CKAP4: variants seen among roughly 807,000 people sequenced by gnomAD.
The protein encoded by CKAP4 is cytoskeleton associated protein 4, also known as cytoskeleton-associated protein 4.
In CKAP4, 20 loss-of-function variants were observed where a neutral mutation model predicts 24.4. That is an observed-to-expected ratio of 0.82 (90% CI 0.58 to 1.19). The LOEUF (loss-of-function observed/expected upper bound fraction) is 1.19, where lower values mean the gene tolerates loss of function less well. Ranked by LOEUF, CKAP4 falls within the 50% of genes most tolerant of loss-of-function variation. The pLI, the probability that CKAP4 is intolerant of heterozygous loss-of-function variation, is 0.00. For synonymous variants in CKAP4, 378 were observed against 351.7 expected, an observed-to-expected ratio of 1.07 and a Z score of -0.84; for missense variants, 744 against 765.3, an observed-to-expected ratio of 0.97 and a Z score of 0.33.
rs2034032620 is a variant in CKAP4, at chr12:106,247,896, A to AGCGCGGC, written c.-52_-46dup. The AGCGCGGC allele has an allele frequency of 9.9e-7, 1 of 1,006,358 alleles. No homozygotes were observed. 62.3% of individuals were successfully genotyped at this position (1,006,358 alleles called of 1,614,324 possible). On this transcript the variant is annotated 5_prime_UTR_variant, in exon 1 of 2. Transcript: ENST00000378026. The surrounding 1 kb of genome is among the most constrained non-coding windows in gnomAD (Gnocchi z 4.5). ...CGGGCCGCGGGCTGGGAGGCGAGCGAGCGCGGCGCGCGGCCCGGGAAACTT... is the reference window on the plus strand; with the variant it reads ...CGGGCCGCGGGCTGGGAGGCGAGCGAGCGCGGCGCGCGGCGCGCGGCCCGGGAAACTT...
chr12:106,241,935 G>C (rs1335100770), intron 1 of CKAP4, among the ~76,000 whole-genome samples: 1 of 151,270 alleles, frequency 6.6e-6, no homozygotes, highest in Non-Finnish European at 1.5e-5. Context: ...AGTGCCGATG[G>C]AATGAAAAAA....
intron 1 of CKAP4, among the ~76,000 whole-genome samples, chr12:106,241,269 C>T (rs1380625235): frequency 1.3e-5 from 2 of 150,996 alleles, no homozygotes; most frequent in Non-Finnish European, 2.9e-5. Context: ...GAAAGGAACG[C>T]TTATCAGTTG....
rs750145170 is a variant in CKAP4 at position 106,247,620 on chromosome 12, T to TGCCGCC, written c.226_231dup (p.Gly76_Gly77dup). On this transcript the variant is annotated inframe_insertion, in exon 1 of 2. Coordinates refer to ENST00000378026, the MANE Select transcript of CKAP4 (RefSeq NM_006825.4). This position sits in a 1 kb window ranked among gnomAD's most constrained non-coding sequence, Gnocchi z 4.5. The stretch of plus-strand genomic sequence containing the variant: ...GAGGCGGAGGAGGAGGAGGAGGACT[T>TGCCGCC]GCCGCCGCCGCCGCCGCCGCCGCGG... The TGCCGCC allele has an allele frequency of 2.0e-4, 192 of 981,826 alleles. No individual in the cohort carries two copies. The highest frequency in any genetic ancestry group is 1.0e-3 in the African/African-American group (57 of 54,924). The allele number at this position is 981,826 out of a possible 1,614,324, so 60.8% of individuals were successfully genotyped here.
In CKAP4 at chr12:106,239,044, T is replaced by C. The variant is rs2033939561; in HGVS notation, c.1789A>G (p.Lys597Glu). 6.2e-7 allele frequency: 1 copy of C among 1,613,454 alleles called. No individual in the cohort carries two copies. Among genetic ancestry groups the C allele is most frequent in the Non-Finnish European group, 8.5e-7 (1 of 1,179,580 alleles). Residue 597 changes from lysine to glutamate, a missense_variant, in exon 2 of 2, where the codon AAG becomes GAG. This residue lies in a region of CKAP4 where 401 missense variants were observed against 424.5 expected (regional missense o/e 0.94). Transcript: ENST00000378026. The surrounding 1 kb of genome is among the most constrained non-coding windows in gnomAD (Gnocchi z 4.9). The part of the protein sequence containing the change: ...DLDRLFVKVE[K>E]IHEKV ...TTCATTTAGACCTTTTCGTGAATCTTCTCCACTTTCACAAACAACCTATCC... is the reference window on the plus strand; with the variant it reads ...TTCATTTAGACCTTTTCGTGAATCTCCTCCACTTTCACAAACAACCTATCC...
chr12:106,247,450 G>A lies in CKAP4; in HGVS notation c.402C>T (p.Val134=). 6.5e-7 allele frequency: 1 copy of A among 1,545,116 alleles called. No homozygotes were observed. The highest frequency in any genetic ancestry group is 8.7e-7 in the Non-Finnish European group (1 of 1,147,308). ...GWCVHHVLEE[V]QQVRRSHQDF... is the part of the protein sequence containing the mutation. ...CCTGGTGGCTGCGCCGGACCTGCTG[G>A]ACCTCCTCCAGGACGTGGTGGACGC... is the stretch of plus-strand genomic sequence containing the variant. The change falls in exon 1 of 2, where the codon GTC becomes GTT. Residue 134 remains valine (V), a synonymous_variant. Transcript: ENST00000378026. This position sits in a 1 kb window ranked among gnomAD's most constrained non-coding sequence, Gnocchi z 4.5.
Position 106,240,087 on chromosome 12 carries a change from T to G in CKAP4, c.746A>C (p.Asn249Thr). 1 of 1,614,168 alleles carries G rather than the reference T, an allele frequency of 6.2e-7. No homozygotes were observed. Among genetic ancestry groups the G allele is most frequent in the South Asian group, 1.1e-5 (1 of 91,084 alleles). ...TTCTGTGAAGATGGCGATGTTGTCG[T>G]TGATGGATTTGGTGAGCTCCGTCAG... ...ERLTELTKSINDNIAIFTEVQ... is the reference protein window; with the variant it reads ...ERLTELTKSITDNIAIFTEVQ... The change falls in exon 2 of 2, where the codon AAC (asparagine) becomes ACC (threonine). Residue 249 changes from asparagine to threonine, a missense_variant. Asn to Thr is a moderately conservative substitution (Grantham distance 65, BLOSUM62 0). Around this residue, in one of 3 missense-constraint regions of CKAP4, gnomAD observed 43 missense variants for 76.4 expected, o/e 0.56. Coordinates refer to ENST00000378026, the MANE Select transcript of CKAP4 (RefSeq NM_006825.4).
Position 106,239,759 on chromosome 12 carries a change from C to T in CKAP4, c.1074G>A (p.Arg358=), listed in dbSNP as rs371832357. The part of the protein sequence containing the change: ...ALQALTEKLL[R]SEESVSRLPE... ...GGAGGCGGGAGACGGACTCCTCAGA[C>T]CTGAGAAGCTTCTCCGTGAGGGCCT... Residue 358 remains arginine (R), a synonymous_variant, in exon 2 of 2, where the codon AGG becomes AGA. Transcript: ENST00000378026. This position sits in a 1 kb window ranked among gnomAD's most constrained non-coding sequence, Gnocchi z 4.9. 21 of 1,613,928 alleles carry T rather than the reference C, an allele frequency of 1.3e-5. 1 individual carries two copies. In the African/African-American group the frequency reaches 1.9e-4, roughly 14 times the overall value.
At chr12:106,241,918 G>A (rs953533113) in intron 1 of CKAP4, among the ~76,000 whole-genome samples, 2 of 152,046 alleles carry the variant, frequency 1.3e-5, no homozygotes, top group Non-Finnish European at 2.9e-5. Flanking sequence ...AAGTGGCAGA[G>A]GGGAAGAGTG....
At position 106,239,001 on chromosome 12, in the gene CKAP4, C is replaced by A; in HGVS notation, c.*23G>T. On this transcript the variant is annotated 3_prime_UTR_variant, in exon 2 of 2. Transcript: ENST00000378026. The surrounding 1 kb of genome is among the most constrained non-coding windows in gnomAD (Gnocchi z 4.9). ...GTCATGAGAAATTGGACTTTAAATC[C>A]GCGCCCTGCACACGCAATTCATTTA... The A allele has an allele frequency of 1.2e-6, 2 of 1,600,806 alleles. No individual in the cohort carries two copies. The highest frequency in any genetic ancestry group is 1.1e-5 in the South Asian group (1 of 90,330).
Position 106,238,785 on chromosome 12 carries a change from A to G in CKAP4, c.*239T>C. ...TGACTAGAGACATCCATGAAAAGCC[A>G]CCTGTTATTCACAGGGGCTGCGCTT... On this transcript the variant is annotated 3_prime_UTR_variant, in exon 2 of 2. Transcript: ENST00000378026. 1 of 502,864 alleles carries G rather than the reference A, an allele frequency of 2.0e-6. No homozygotes were observed. Among genetic ancestry groups the G allele is most frequent in the East Asian group, 3.3e-5 (1 of 30,142 alleles). The allele number at this position is 502,864 out of a possible 1,614,324, so 31.2% of individuals were successfully genotyped here.
In CKAP4 at chr12:106,240,311, G is replaced by A. The variant is rs1428668459; in HGVS notation, c.522C>T (p.Ser174=). The change falls in exon 2 of 2, where the codon TCC becomes TCT. Residue 174 remains serine (S), a synonymous_variant. Transcript: ENST00000378026. ...SLQATFGTFE[S]ILRSSQHKQD... is the part of the protein sequence containing the mutation. ...GTTTATGTTGGGAGCTTCTCAAGAT[G>A]GACTCAAAAGTTCCAAATGTGGCTT... 4 of 1,613,576 alleles carry A rather than the reference G, an allele frequency of 2.5e-6. No homozygotes were observed. The African/African-American group carries it at 5.3e-5, about 22-fold the overall frequency.
intron 1 of CKAP4, among the ~76,000 whole-genome samples, chr12:106,242,700 A>G (rs971335487): frequency 1.6e-4 from 24 of 152,352 alleles, no homozygotes; most frequent in African/African-American, 5.8e-4. Flanking sequence ...TTCTAAGCAT[A>G]GCACTCAGAA....
At position 106,247,699 on chromosome 12, in the gene CKAP4, C is replaced by T. The variant is rs1193234466; in HGVS notation, c.153G>A (p.Pro51=). ...QQPPPPPAPH[P]QQHPQQHPQN... ...GCGGGTGCTGCTGCGGGTGCTGCTG[C>T]GGGTGCGGCGCGGGCGGCGGCGGCG... Residue 51 remains proline, a synonymous_variant, in exon 1 of 2, where the codon CCG becomes CCA. Coordinates refer to ENST00000378026, the MANE Select transcript of CKAP4 (RefSeq NM_006825.4). The surrounding 1 kb of genome is among the most constrained non-coding windows in gnomAD (Gnocchi z 4.5). 1.9e-6 allele frequency: 2 copies of T among 1,038,692 alleles called. No homozygotes were observed. Among genetic ancestry groups the T allele is most frequent in the East Asian group, 8.6e-5 (1 of 11,642 alleles). The allele number at this position is 1,038,692 out of a possible 1,614,324, so 64.3% of individuals were successfully genotyped here.
rs988987465 is a variant in CKAP4 at position 106,240,257 on chromosome 12, T to C, written c.576A>G (p.Gln192=). Residue 192 remains glutamine (Q), a synonymous_variant, in exon 2 of 2, where the codon CAA becomes CAG. Transcript: ENST00000378026. The stretch of plus-strand genomic sequence containing the variant: ...TGATCCGGCTGACCTCACTCTCCCC[T>C]TGCTTCACAGCTTTCTCTGTGAGGT... ...KQDLTEKAVK[Q]GESEVSRISE... 4 of 1,614,214 alleles carry C rather than the reference T, an allele frequency of 2.5e-6. No homozygotes were observed. Among genetic ancestry groups the C allele is most frequent in the South Asian group, 1.1e-5 (1 of 91,088 alleles).
Position 106,239,484 on chromosome 12 carries a change from G to A in CKAP4, c.1349C>T (p.Ala450Val). 1 of 1,606,678 alleles carries A rather than the reference G, an allele frequency of 6.2e-7. No individual in the cohort carries two copies. Among genetic ancestry groups the A allele is most frequent in the Non-Finnish European group, 8.5e-7 (1 of 1,179,608 alleles). Residue 450 changes from alanine to valine, a missense_variant, in exon 2 of 2, where the codon GCC (alanine) becomes GTC (valine). This residue lies in a region of CKAP4 where 401 missense variants were observed against 424.5 expected (regional missense o/e 0.94). Transcript: ENST00000378026. The surrounding 1 kb of genome is among the most constrained non-coding windows in gnomAD (Gnocchi z 4.9). ...GAGGCCTTCCAGGCGCCCCTGCAGG[G>A]CGGCCAGGCGCTGCTCGTGCTCCTG... ...KSQEHEQRLA[A>V]LQGRLEGLGS... is the part of the protein sequence containing the mutation.
In CKAP4 at chr12:106,238,751, AT is replaced by A; in HGVS notation, c.*272del. On this transcript the variant is annotated 3_prime_UTR_variant, in exon 2 of 2. Transcript: ENST00000378026. Reference sequence around the variant, plus strand: ...TTAATCCTCAATTTAAGCCTTTATCATTTTTCTCTGACTAGAGACATCCATG... The same window carrying A: ...TTAATCCTCAATTTAAGCCTTTATCATTTTCTCTGACTAGAGACATCCATG... 1 of 357,308 alleles carries A rather than the reference AT, an allele frequency of 2.8e-6. No homozygotes were observed. Among genetic ancestry groups the A allele is most frequent in the Non-Finnish European group, 5.1e-6 (1 of 197,996 alleles). 22.1% of individuals were successfully genotyped at this position (357,308 alleles called of 1,614,324 possible). A position where few individuals can be genotyped will look rare whatever the true frequency, so the allele number is the denominator to read the frequency against.
chr12:106,246,526 T>G (rs1235483361), intron 1 of CKAP4, among the ~76,000 whole-genome samples: 1 of 152,142 alleles, frequency 6.6e-6, no homozygotes, highest in Non-Finnish European at 1.5e-5. Flanking sequence ...GCGGATCACT[T>G]GAGGTCAGAA....
chr12:106,241,743 A>G (rs1046011703), intron 1 of CKAP4, among the ~76,000 whole-genome samples: 1 of 152,070 alleles, frequency 6.6e-6, no homozygotes, highest in Admixed American at 6.5e-5. Context: ...CCCTGGACCC[A>G]CTTCTGCCTA....
At position 106,239,014 on chromosome 12, in the gene CKAP4, C is replaced by A. The variant is rs181525494; in HGVS notation, c.*10G>T. 5.0e-6 allele frequency: 8 copies of A among 1,607,398 alleles called. No homozygotes were observed. The highest frequency in any genetic ancestry group is 1.7e-5 in the Admixed American group (1 of 59,866). On this transcript the variant is annotated 3_prime_UTR_variant, in exon 2 of 2. Coordinates refer to ENST00000378026, the MANE Select transcript of CKAP4 (RefSeq NM_006825.4). This position sits in a 1 kb window ranked among gnomAD's most constrained non-coding sequence, Gnocchi z 4.9. ...GGACTTTAAATCCGCGCCCTGCACA[C>A]GCAATTCATTTAGACCTTTTCGTGA... is the stretch of plus-strand genomic sequence containing the variant.
Sources: gnomAD v4.1 joint callset for allele counts (sites outside exome capture counted in the v4.1 genomes callset) on GRCh38, gnomAD v4.1.1 for gene constraint, gnomAD v4.1.1 regional missense constraint, Gnocchi (gnomAD v3.1) non-coding constraint, MANE v1.5 for transcripts, NCBI Gene and HGNC (gene_info 2026-07-23, HGNC 2026-07-21) for gene names.